Variants in AAK1 observed in about 807,000 individuals in gnomAD.
The protein encoded by AAK1 is AP2-associated protein kinase 1.
AAK1 carries 37 observed loss-of-function variants against 116.0 expected under a neutral mutation model. That is an observed-to-expected ratio of 0.32 (90% CI 0.25 to 0.42). AAK1 has a LOEUF of 0.42. AAK1 is among the 10% of genes least tolerant of loss of function. The pLI is 1.00. For synonymous variants in AAK1, 458 were observed against 439.9 expected, an observed-to-expected ratio of 1.04 and a Z score of -0.51; for missense variants, 919 against 1,170.6, an observed-to-expected ratio of 0.79 and a Z score of 3.14.
chr2:69,547,399 C>A (rs1005129746), intron 3 of AAK1, among the ~76,000 whole-genome samples: 1 of 151,900 alleles, frequency 6.6e-6, no homozygotes, highest in Non-Finnish European at 1.5e-5. Context: ...TGTGAAGAAC[C>A]CTTACAACTC....
At chr2:69,554,929 C>T (rs533301315) in intron 3 of AAK1, among the ~76,000 whole-genome samples, 5 of 152,338 alleles carry the variant, frequency 3.3e-5, no homozygotes, top group African/African-American at 1.2e-4. Flanking sequence ...TTGTGAGCTC[C>T]TCATGGGCCT....
rs115330329 is a variant in AAK1 at position 69,465,256 on chromosome 2, C to T, written c.*10613G>A. On this transcript the variant is annotated 3_prime_UTR_variant, in exon 22 of 22. Coordinates refer to ENST00000409085, the MANE Select transcript of AAK1 (RefSeq NM_014911.5). ...TGAACATAACTTAAAGGGGCTTCAACTAAATATCACTGCAACTGAGTTTGT... is the reference window on the plus strand; with the variant it reads ...TGAACATAACTTAAAGGGGCTTCAATTAAATATCACTGCAACTGAGTTTGT... The T allele has an allele frequency of 2.3e-3, 1,126 of 490,864 alleles. 13 individuals carry two copies. The highest frequency in any genetic ancestry group is 0.015 in the South Asian group (673 of 44,312). 30.4% of individuals were successfully genotyped at this position (490,864 alleles called of 1,614,324 possible). A position where few individuals can be genotyped will look rare whatever the true frequency, so the allele number is the denominator to read the frequency against.
chr2:69,520,078 C>T, intron 11 of AAK1: 1 of 227,408 alleles, frequency 4.4e-6, no homozygotes, highest in Non-Finnish European at 9.3e-6. Flanking sequence ...TAAAATAATG[C>T]TTTCTACCCA....
In AAK1 at chr2:69,458,076, C is replaced by A. The variant is rs528598652; in HGVS notation, c.*17793G>T. On this transcript the variant is annotated 3_prime_UTR_variant, in exon 22 of 22. Coordinates refer to ENST00000409085, the MANE Select transcript of AAK1 (RefSeq NM_014911.5). Reference sequence around the variant, plus strand: ...ATTCATAAAACCTATCAGATACATACGATAAATCACACCGAGAGTGCAATA... The same window carrying A: ...ATTCATAAAACCTATCAGATACATAAGATAAATCACACCGAGAGTGCAATA... The A allele has an allele frequency of 6.6e-6, 1 of 152,054 alleles. No individual in the cohort carries two copies. Among genetic ancestry groups the A allele is most frequent in the Non-Finnish European group, 1.5e-5 (1 of 68,002 alleles). 9.4% of individuals were successfully genotyped at this position (152,054 alleles called of 1,614,324 possible).
At chr2:69,537,201 T>C (rs1196163034) in intron 5 of AAK1, among the ~76,000 whole-genome samples, 1 of 152,248 alleles carries the variant, frequency 6.6e-6, no homozygotes, top group Non-Finnish European at 1.5e-5. Flanking sequence ...CTGATCTTTA[T>C]CTTTCTCAGA....
rs181086666 is a variant in AAK1 at position 69,562,692 on chromosome 2, C to T, written c.164-5714G>A. Among the ~76,000 whole-genome samples the T allele has an allele frequency of 3.2e-4, 48 of 152,200 alleles. No individual in the cohort carries two copies. The East Asian group carries it at 8.7e-3, about 28-fold the overall frequency. On this transcript the variant is annotated intron_variant, in intron 2 of 21. Coordinates refer to ENST00000409085, the MANE Select transcript of AAK1 (RefSeq NM_014911.5). Reference sequence around the variant, plus strand: ...AGATCACAAAGTCAGGAGATCAAGACCATCCTGGCTAACACGATGAAACCC... The same window carrying T: ...AGATCACAAAGTCAGGAGATCAAGATCATCCTGGCTAACACGATGAAACCC...
chr2:69,522,017 TC>T (rs1394816832), intron 10 of AAK1, among the ~76,000 whole-genome samples: 1 of 152,224 alleles, frequency 6.6e-6, no homozygotes, highest in Non-Finnish European at 1.5e-5. Flanking sequence ...CTTTGGACTT[TC>T]TGTAATTCAC....
At chr2:69,587,793 G>T (rs1672854643) in intron 2 of AAK1, among the ~76,000 whole-genome samples, 1 of 151,908 alleles carries the variant, frequency 6.6e-6, no homozygotes, top group East Asian at 1.9e-4. Context: ...AAATTTTTTT[G>T]TAGAGACAGA....
At chr2:69,611,897 A>C (rs1285428940) in intron 2 of AAK1, among the ~76,000 whole-genome samples, 1 of 152,266 alleles carries the variant, frequency 6.6e-6, no homozygotes, top group African/African-American at 2.4e-5. Context: ...GCCACTCACA[A>C]AAAGCAAAAC....
intron 17 of AAK1, 83 bp downstream of exon 17, chr2:69,495,902 G>C (rs1051133074): frequency 9.2e-7 from 1 of 1,088,368 alleles, no homozygotes; most frequent in African/African-American, 1.6e-5. Flanking sequence ...TCCTTTTCAC[G>C]GGGTATTTAA....
chr2:69,609,832 G>A (rs962218367), intron 2 of AAK1, among the ~76,000 whole-genome samples: 1 of 151,904 alleles, frequency 6.6e-6, no homozygotes. Context: ...GGTGGATCAC[G>A]AGGTCAGGAG....
intron 2 of AAK1, among the ~76,000 whole-genome samples, chr2:69,591,523 C>CAT (rs1553419258): frequency 7.7e-5 from 10 of 130,000 alleles, no homozygotes; most frequent in Non-Finnish European, 1.3e-4. Flanking sequence ...TTTTCTTTTT[C>CAT]TTTTTTTTTT....
chr2:69,505,305 A>C (rs1032606018), intron 16 of AAK1, among the ~76,000 whole-genome samples: 3 of 152,236 alleles, frequency 2.0e-5, no homozygotes, highest in African/African-American at 7.2e-5. Flanking sequence ...GACTAGAGAG[A>C]ACAAGTCCTG....
chr2:69,525,281 CA>C (rs1159481673), intron 9 of AAK1, among the ~76,000 whole-genome samples, 169 bp from the exon 10 acceptor site: 1 of 152,186 alleles, frequency 6.6e-6, no homozygotes, highest in Non-Finnish European at 1.5e-5. Context: ...GAAAGTTAAC[CA>C]AATGCATATC....
intron 8 of AAK1, 38 bp from the exon 9 acceptor site, chr2:69,527,357 A>G: frequency 7.6e-7 from 1 of 1,317,646 alleles, no homozygotes; most frequent in Non-Finnish European, 1.1e-6. Flanking sequence ...TAATATTCCA[A>G]CAGTTATTAC....
intron 2 of AAK1, among the ~76,000 whole-genome samples, chr2:69,606,988 C>T (rs929673674): frequency 1.3e-5 from 2 of 149,260 alleles, no homozygotes; most frequent in Admixed American, 6.7e-5. Context: ...ATGGCTTGAG[C>T]CCAAGAGGCA....
intron 2 of AAK1, among the ~76,000 whole-genome samples, chr2:69,575,020 C>CAAAA (rs1553417497): frequency 2.6e-5 from 2 of 76,814 alleles, no homozygotes; most frequent in South Asian, 5.8e-4. Flanking sequence ...AAAAAGACTA[C>CAAAA]AAAAAAAAAA....
intron 3 of AAK1, among the ~76,000 whole-genome samples, chr2:69,545,391 T>C (rs781486303): frequency 6.6e-6 from 1 of 152,230 alleles, no homozygotes; most frequent in African/African-American, 2.4e-5. Context: ...CTGGGTGATA[T>C]GATTTTTGCA....
In AAK1 at chr2:69,475,632, G is replaced by A. The variant is rs560403365; in HGVS notation, c.*237C>T. On this transcript the variant is annotated 3_prime_UTR_variant, in exon 22 of 22. Coordinates refer to ENST00000409085, the MANE Select transcript of AAK1 (RefSeq NM_014911.5). ...ATTTAAGATAATGCTATTGAAGAAG[G>A]GTAATGAGAAAACACAGCAAACTAA... 87 of 1,314,638 alleles carry A rather than the reference G, an allele frequency of 6.6e-5. No homozygotes were observed. In the African/African-American group the frequency reaches 1.2e-3, roughly 18 times the overall value. 81.4% of individuals were successfully genotyped at this position (1,314,638 alleles called of 1,614,324 possible).
Sources: gnomAD v4.1 joint callset for allele counts (sites outside exome capture counted in the v4.1 genomes callset) on GRCh38, gnomAD v4.1.1 for gene constraint, MANE v1.5 for transcripts, NCBI Gene and HGNC (gene_info 2026-07-23, HGNC 2026-07-21) for gene names.